The following PLEKHG7 variants were observed in gnomAD, a reference collection of about 807,000 sequenced individuals.
PLEKHG7 encodes pleckstrin homology and RhoGEF domain containing G7.
In PLEKHG7, 77 loss-of-function variants were observed where a neutral mutation model predicts 85.2. That is an observed-to-expected ratio of 0.90 (90% CI 0.75 to 1.09). The LOEUF (loss-of-function observed/expected upper bound fraction) is 1.09. Ranked by LOEUF, PLEKHG7 falls within the 50% of genes least tolerant of loss-of-function variation. The pLI is 0.00. For synonymous variants in PLEKHG7, 301 were observed against 302.4 expected (o/e 1.00, Z 0.05); for missense variants, 777 against 804.3 (o/e 0.97, Z 0.41).
At chr12:92,767,407 A>C (rs1244241765) in intron 15 of PLEKHG7, among the ~76,000 whole-genome samples, 1 of 152,200 alleles carries the variant, frequency 6.6e-6, no homozygotes, top group Non-Finnish European at 1.5e-5. Flanking sequence ...GAATTCCAAA[A>C]ACCAGCCAAG....
intron 13 of PLEKHG7, among the ~76,000 whole-genome samples, chr12:92,760,367 T>G (rs1253053015): frequency 6.6e-6 from 1 of 151,990 alleles, no homozygotes; most frequent in Non-Finnish European, 1.5e-5. Context: ...TTAATTTGAA[T>G]AAAATACCAG....
At position 92,736,554 on chromosome 12, in the gene PLEKHG7, G is replaced by A. The variant is rs979904883; in HGVS notation, c.772G>A (p.Gly258Ser). ...CTCTGTGAAAATTACCAGCTTCAGG[G>A]GCTATGACTTCTACGGTCTTAAGGT... ...LSSVKITSFR[G>S]YDFYGLKDKT... Residue 258 changes from glycine to serine, a missense_variant, in exon 6 of 17, where the codon GGC becomes AGC. By Grantham distance (56) the Gly-to-Ser change is moderately conservative (BLOSUM62 0). Around this residue, in one of 3 missense-constraint regions of PLEKHG7, gnomAD observed 520 missense variants for 544.0 expected, o/e 0.96. Coordinates refer to ENST00000344636, the MANE Select transcript of PLEKHG7 (RefSeq NM_001377329.1). 3 of 1,229,992 alleles carry A rather than the reference G, an allele frequency of 2.4e-6. No homozygotes were observed. Among genetic ancestry groups the A allele is most frequent in the Middle Eastern group, 3.1e-4 (1 of 3,200 alleles). 76.2% of individuals were successfully genotyped at this position (1,229,992 alleles called of 1,614,324 possible).
At chr12:92,762,958 C>T (rs535456255) in intron 14 of PLEKHG7, among the ~76,000 whole-genome samples, 17 of 152,088 alleles carry the variant, frequency 1.1e-4, no homozygotes, top group African/African-American at 4.1e-4. Context: ...TTTGTATGAC[C>T]TCCCATTATA....
At chr12:92,724,369 A>G (rs1287349492) in intron 3 of PLEKHG7, among the ~76,000 whole-genome samples, 1 of 152,216 alleles carries the variant, frequency 6.6e-6, no homozygotes, top group African/African-American at 2.4e-5. Context: ...CAAAAAAGGA[A>G]AGTTGTAAGA....
intron 10 of PLEKHG7, among the ~76,000 whole-genome samples, chr12:92,752,807 G>A (rs1444819184): frequency 6.6e-6 from 1 of 152,222 alleles, no homozygotes; most frequent in Non-Finnish European, 1.5e-5. Flanking sequence ...ACAGGAGTTT[G>A]TTGCTCACAG....
chr12:92,715,368 A>G (rs1565786936), intron 3 of PLEKHG7, among the ~76,000 whole-genome samples: 4 of 152,170 alleles, frequency 2.6e-5, no homozygotes, highest in Admixed American at 6.5e-5. Flanking sequence ...TCTTTTGGCA[A>G]CACCTTCACA....
intron 3 of PLEKHG7, among the ~76,000 whole-genome samples, chr12:92,713,437 C>T (rs1462793321): frequency 1.3e-5 from 2 of 152,194 alleles, no homozygotes; most frequent in East Asian, 3.9e-4. Context: ...GCCGCTTTGC[C>T]TCTTCCGTCC....
chr12:92,752,624 A>C (rs1160311234), intron 10 of PLEKHG7, among the ~76,000 whole-genome samples: 2 of 152,182 alleles, frequency 1.3e-5, no homozygotes, highest in Non-Finnish European at 2.9e-5. Context: ...ATGGCCCTGA[A>C]GGGTCTGGGT....
chr12:92,754,357 CT>C, intron 11 of PLEKHG7, 93 bp downstream of exon 11: 1 of 1,251,982 alleles, frequency 8.0e-7, no homozygotes, highest in Non-Finnish European at 1.1e-6. Context: ...GGTAATTCCA[CT>C]GATTTGAGGT....
chr12:92,710,402 G>A (rs140787223), intron 3 of PLEKHG7, among the ~76,000 whole-genome samples: 48 of 152,250 alleles, frequency 3.2e-4, no homozygotes, highest in African/African-American at 1.0e-3. Context: ...ACCCACTGTC[G>A]CACTGCTTTG....
At chr12:92,709,977 T>G (rs1412335070) in intron 3 of PLEKHG7, among the ~76,000 whole-genome samples, 2 of 152,210 alleles carry the variant, frequency 1.3e-5, no homozygotes, top group South Asian at 4.1e-4. Flanking sequence ...GCCCAAAGTG[T>G]CCAGGTGGCA....
chr12:92,712,746 G>T (rs1489585039), intron 3 of PLEKHG7, among the ~76,000 whole-genome samples: 2 of 152,072 alleles, frequency 1.3e-5, no homozygotes, highest in African/African-American at 2.4e-5. Context: ...CCAATGTGGG[G>T]GTTCTGCCAG....
intron 3 of PLEKHG7, among the ~76,000 whole-genome samples, chr12:92,724,650 G>A (rs1359124683): frequency 2.0e-5 from 3 of 152,212 alleles, no homozygotes; most frequent in African/African-American, 4.8e-5. Context: ...TGTGATATAT[G>A]TTCAGGTTTC....
chr12:92,737,255 A>C, intron 6 of PLEKHG7, 123 bp from the exon 7 acceptor site: 1 of 869,244 alleles, frequency 1.2e-6, no homozygotes, highest in Non-Finnish European at 1.5e-6. Context: ...CCAGGGTCTG[A>C]AGCAGGAAAT....
At chr12:92,748,306 G>A (rs1488387715) in intron 10 of PLEKHG7, among the ~76,000 whole-genome samples, 1 of 151,108 alleles carries the variant, frequency 6.6e-6, no homozygotes, top group African/African-American at 2.5e-5. Context: ...GAGTGCGGTG[G>A]CACAATCTCA....
At chr12:92,755,562 T>G (rs951677531) in intron 11 of PLEKHG7, among the ~76,000 whole-genome samples, 1 of 152,230 alleles carries the variant, frequency 6.6e-6, no homozygotes, top group Non-Finnish European at 1.5e-5. Flanking sequence ...TTTATTGGTA[T>G]TATTGAAATA....
chr12:92,727,929 T>G (rs1434490712), intron 3 of PLEKHG7, among the ~76,000 whole-genome samples: 2 of 42,444 alleles, frequency 4.7e-5, no homozygotes, highest in Non-Finnish European at 1.2e-4. Context: ...TATTCTATGG[T>G]GTGTGTGTGT....
Position 92,757,162 on chromosome 12 carries a change from C to T in PLEKHG7, c.1636+771C>T, listed in dbSNP as rs373822488. Among the ~76,000 whole-genome samples, 10 of 152,336 alleles carry T rather than the reference C, an allele frequency of 6.6e-5. No homozygotes were observed. In the South Asian group the frequency reaches 1.9e-3, roughly 28 times the overall value. ...GCTCAGCCTTTTCTGCCTGTACAAC[C>T]TTGGGCCATTTACAGTGATCTCCTG... On this transcript the variant is annotated intron_variant, in intron 13 of 16. Coordinates refer to ENST00000344636, the MANE Select transcript of PLEKHG7 (RefSeq NM_001377329.1).
At chr12:92,734,493 C>T (rs561657648) in intron 5 of PLEKHG7, among the ~76,000 whole-genome samples, 1 of 152,328 alleles carries the variant, frequency 6.6e-6, no homozygotes, top group Admixed American at 6.5e-5. Context: ...TATTACTTCT[C>T]ATTTTGAAAA....
Sources: allele counts gnomAD v4.1 joint callset (sites outside exome capture counted in the v4.1 genomes callset), GRCh38; gene constraint gnomAD v4.1.1; regional missense constraint gnomAD v4.1.1; transcripts MANE v1.5; gene names NCBI Gene and HGNC (gene_info 2026-07-23, HGNC 2026-07-21).